OR2M3: variants seen among roughly 807,000 people sequenced by gnomAD.
OR2M3 encodes the protein olfactory receptor family 2 subfamily M member 3.
Under a neutral mutation model 4.3 loss-of-function variants are expected in OR2M3, and 1 was observed. The ratio of observed to expected loss-of-function variants is 0.23; its 90% CI spans 0.08 to 1.11. The LOEUF (loss-of-function observed/expected upper bound fraction) is 1.11, where lower values mean the gene tolerates loss of function less well. Ranked by LOEUF, OR2M3 falls within the 50% of genes most tolerant of loss-of-function variation. The pLI is 0.54. For synonymous variants in OR2M3, 151 were observed against 139.4 expected, an observed-to-expected ratio of 1.08 and a Z score of -0.59; for missense variants, 410 against 390.4, an observed-to-expected ratio of 1.05 and a Z score of -0.42.
intron 1 of OR2M3, among the ~76,000 whole-genome samples, chr1:248,198,507 A>G (rs1666122296): frequency 1.3e-5 from 2 of 152,148 alleles, no homozygotes; most frequent in South Asian, 4.1e-4. Context: ...TTTCCTGATC[A>G]TTCCTATTAC....
rs1230423081 is a variant in OR2M3 at position 248,209,442 on chromosome 1, C to A, written c.*5436C>A. On this transcript the variant is annotated 3_prime_UTR_variant, in exon 2 of 2. Transcript: ENST00000641626. ...TCTGGTTCCTTCTTATTTGGGTAGA[C>A]TATGTCAGAGGGAAGACCTGGGATT... The A allele has an allele frequency of 6.6e-6, 1 of 152,006 alleles. No homozygotes were observed. The allele number at this position is 152,006 out of a possible 1,614,324, so 9.4% of individuals were successfully genotyped here. A position where few individuals can be genotyped will look rare whatever the true frequency, so the allele number is the denominator to read the frequency against.
At chr1:248,201,061 T>A (rs1025690068) in intron 1 of OR2M3, among the ~76,000 whole-genome samples, 4 of 152,142 alleles carry the variant, frequency 2.6e-5, no homozygotes, top group African/African-American at 9.7e-5. Context: ...TAGAACATAA[T>A]TTTTTACTGC....
chr1:248,200,116 C>T (rs1666140447), intron 1 of OR2M3, among the ~76,000 whole-genome samples: 1 of 152,074 alleles, frequency 6.6e-6, no homozygotes, highest in Non-Finnish European at 1.5e-5. Context: ...AACAAGCTAA[C>T]TTGACAAGAC....
chr1:248,200,741 A>G (rs1666146313), intron 1 of OR2M3, among the ~76,000 whole-genome samples: 1 of 152,274 alleles, frequency 6.6e-6, no homozygotes, highest in Non-Finnish European at 1.5e-5. Flanking sequence ...CCTTGGGTTA[A>G]AATTTAACAT....
At chr1:248,201,495 G>A (rs1443459251) in intron 1 of OR2M3, among the ~76,000 whole-genome samples, 1 of 151,816 alleles carries the variant, frequency 6.6e-6, no homozygotes, top group Non-Finnish European at 1.5e-5. Context: ...TGCACAATGT[G>A]CAGGTTAGTT....
At chr1:248,199,766 G>A (rs1038629040) in intron 1 of OR2M3, among the ~76,000 whole-genome samples, 2 of 151,992 alleles carry the variant, frequency 1.3e-5, no homozygotes, top group Non-Finnish European at 2.9e-5. Context: ...ATAAATTTAT[G>A]ATATACCTTG....
intron 1 of OR2M3, among the ~76,000 whole-genome samples, chr1:248,198,673 A>G (rs529203055): frequency 6.6e-6 from 1 of 152,256 alleles, no homozygotes; most frequent in East Asian, 1.9e-4. Flanking sequence ...TTTCTCAACA[A>G]GATTTTCATG....
In OR2M3 at chr1:248,205,656, C is replaced by T. The variant is rs1461307626; in HGVS notation, c.*1650C>T. 6.6e-6 allele frequency: 1 copy of T among 151,992 alleles called. No individual in the cohort carries two copies. The highest frequency in any genetic ancestry group is 1.5e-5 in the Non-Finnish European group (1 of 67,960). 9.4% of individuals were successfully genotyped at this position (151,992 alleles called of 1,614,324 possible). A position where few individuals can be genotyped will look rare whatever the true frequency, so the allele number is the denominator to read the frequency against. ...TATTCTGTTTTGTCTGTCTATGTCT[C>T]TATTTTTATCCAGTACCATGCTGTT... is the stretch of plus-strand genomic sequence containing the variant. On this transcript the variant is annotated 3_prime_UTR_variant, in exon 2 of 2. Transcript: ENST00000641626.
rs1012364616 is a variant in OR2M3 at position 248,205,358 on chromosome 1, C to A, written c.*1352C>A. The A allele has an allele frequency of 6.6e-6, 1 of 151,978 alleles. No individual in the cohort carries two copies. The highest frequency in any genetic ancestry group is 2.4e-5 in the African/African-American group (1 of 41,400). 9.4% of individuals were successfully genotyped at this position (151,978 alleles called of 1,614,324 possible). On this transcript the variant is annotated 3_prime_UTR_variant, in exon 2 of 2. Transcript: ENST00000641626. ...AGTTTTTGGGTTCTTGCTCATGAAA[C>A]CCTTGCCTAAGCCAATGTCTACAAG...
chr1:248,203,975 A>T lies in OR2M3; in HGVS notation c.908A>T (p.Lys303Met). 1 of 1,613,874 alleles carries T rather than the reference A, an allele frequency of 6.2e-7. No homozygotes were observed. The highest frequency in any genetic ancestry group is 1.1e-5 in the South Asian group (1 of 91,066). Residue 303 changes from lysine to methionine, a missense_variant, in exon 2 of 2, where the codon AAG becomes ATG. Transcript: ENST00000641626. ...AAGGAGGTGACCAGAGCATTCATGA[A>T]GATCTTAGGAAAGGGCAAGTCTGGA... ...RNKEVTRAFM[K>M]ILGKGKSGE
rs940992684 is a variant in OR2M3, at chr1:248,212,343, A to T, written c.*8337A>T. The T allele has an allele frequency of 2.6e-5, 4 of 152,048 alleles. No individual in the cohort carries two copies. The highest frequency in any genetic ancestry group is 5.9e-5 in the Non-Finnish European group (4 of 67,946). 9.4% of individuals were successfully genotyped at this position (152,048 alleles called of 1,614,324 possible). A position where few individuals can be genotyped will look rare whatever the true frequency, so the allele number is the denominator to read the frequency against. On this transcript the variant is annotated 3_prime_UTR_variant, in exon 2 of 2. Transcript: ENST00000641626. ...ATTCAATAATCCTTATCTTTTTAAC[A>T]ATTAAGCAAAATGCATAATTAATTA...
rs765654451 is a variant in OR2M3, at chr1:248,212,008, T to C, written c.*8002T>C. On this transcript the variant is annotated 3_prime_UTR_variant, in exon 2 of 2. Coordinates refer to ENST00000641626, the MANE Select transcript of OR2M3 (RefSeq NM_001004689.2). ...TTAGAGTTTATGGAACAATGTAAAA[T>C]CCTATAATATATTTCCAGTCTTTGA... 3 of 152,204 alleles carry C rather than the reference T, an allele frequency of 2.0e-5. No individual in the cohort carries two copies. The highest frequency in any genetic ancestry group is 4.4e-5 in the Non-Finnish European group (3 of 68,036). 9.4% of individuals were successfully genotyped at this position (152,204 alleles called of 1,614,324 possible). A position where few individuals can be genotyped will look rare whatever the true frequency, so the allele number is the denominator to read the frequency against.
At chr1:248,198,087 ATATTT>A (rs1384880340) in intron 1 of OR2M3, among the ~76,000 whole-genome samples, 1 of 152,182 alleles carries the variant, frequency 6.6e-6, no homozygotes, top group African/African-American at 2.4e-5. Context: ...TATTTTTAAA[ATATTT>A]TATTAAACTT....
At chr1:248,202,671 A>G (rs1666171079) in intron 1 of OR2M3, among the ~76,000 whole-genome samples, 1 of 151,928 alleles carries the variant, frequency 6.6e-6, no homozygotes, top group Admixed American at 6.6e-5. Flanking sequence ...TAGTACTGTG[A>G]TGGTCACATG....
chr1:248,201,095 T>C (rs1168226041), intron 1 of OR2M3, among the ~76,000 whole-genome samples: 2 of 152,194 alleles, frequency 1.3e-5, no homozygotes, highest in African/African-American at 4.8e-5. Context: ...CCTTCACATA[T>C]TGGCTTTGCT....
In OR2M3 at chr1:248,208,771, T is replaced by C. The variant is rs947066438; in HGVS notation, c.*4765T>C. 1 of 152,180 alleles carries C rather than the reference T, an allele frequency of 6.6e-6. No individual in the cohort carries two copies. Among genetic ancestry groups the C allele is most frequent in the African/African-American group, 2.4e-5 (1 of 41,438 alleles). 9.4% of individuals were successfully genotyped at this position (152,180 alleles called of 1,614,324 possible). On this transcript the variant is annotated 3_prime_UTR_variant, in exon 2 of 2. Coordinates refer to ENST00000641626, the MANE Select transcript of OR2M3 (RefSeq NM_001004689.2). ...TCTCTCACGGCTGACATTTTTTCCTTTGCCTTGACTTTAGATAACTTGTTA... is the reference window on the plus strand; with the variant it reads ...TCTCTCACGGCTGACATTTTTTCCTCTGCCTTGACTTTAGATAACTTGTTA...
chr1:248,203,428 G>A lies in OR2M3; in HGVS notation c.361G>A (p.Asp121Asn). Residue 121 changes from aspartate (D) to asparagine (N), a missense_variant, in exon 2 of 2, where the codon GAC becomes AAC. Physicochemically the swap from Asp to Asn is conservative, Grantham distance 23. Coordinates refer to ENST00000641626, the MANE Select transcript of OR2M3 (RefSeq NM_001004689.2). The stretch of plus-strand genomic sequence containing the variant: ...CTTTCTTTTGGCTGTTATGGCTTAT[G>A]ACCGCTACACTGCCATTTGCCACCC... ...ECFLLAVMAY[D>N]RYTAICHPLR... 2 of 1,613,908 alleles carry A rather than the reference G, an allele frequency of 1.2e-6. No homozygotes were observed. Among genetic ancestry groups the A allele is most frequent in the Non-Finnish European group, 1.7e-6 (2 of 1,179,916 alleles).
intron 1 of OR2M3, among the ~76,000 whole-genome samples, chr1:248,201,865 C>T (rs1666161322): frequency 6.6e-6 from 1 of 152,130 alleles, no homozygotes; most frequent in East Asian, 1.9e-4. Context: ...TGATCACACT[C>T]ACTGTGACCT....
rs199968773 is a variant in OR2M3, at chr1:248,203,945, G to A, written c.878G>A (p.Arg293His). Residue 293 changes from arginine to histidine, a missense_variant, in exon 2 of 2, where the codon CGC becomes CAC. By Grantham distance (29) the Arg-to-His change is conservative. Transcript: ENST00000641626. ...PMLNPLIYSL[R>H]NKEVTRAFMK... The stretch of plus-strand genomic sequence containing the variant: ...TTGAATCCCCTCATCTACAGCCTCC[G>A]CAACAAGGAGGTGACCAGAGCATTC... The A allele has an allele frequency of 1.6e-5, 26 of 1,613,730 alleles. No individual in the cohort carries two copies. Among genetic ancestry groups the A allele is most frequent in the African/African-American group, 9.3e-5 (7 of 74,926 alleles).
Sources: allele counts gnomAD v4.1 joint callset (sites outside exome capture counted in the v4.1 genomes callset), GRCh38; gene constraint gnomAD v4.1.1; transcripts MANE v1.5; gene names NCBI Gene and HGNC (gene_info 2026-07-23, HGNC 2026-07-21).